The following RPL9 variants were observed in gnomAD, a reference collection of about 807,000 sequenced individuals.
The protein encoded by RPL9 is large ribosomal subunit protein uL6.
For synonymous variants in RPL9, 82 were observed against 77.1 expected (o/e 1.06, Z -0.33); for missense variants, 149 against 236.7 (o/e 0.63, Z 2.43).
At chr4:39,455,158 G>A in intron 5 of RPL9, 1 of 463,590 alleles carries the variant, frequency 2.2e-6, no homozygotes, top group South Asian at 2.8e-5. Context: ...AACCATCCTG[G>A]CTAACACTGT....
intron 5 of RPL9, chr4:39,455,423 C>G (rs1744048360): frequency 6.9e-6 from 1 of 144,220 alleles, no homozygotes; most frequent in Non-Finnish European, 1.5e-5. Context: ...CAAAATGCAT[C>G]AAGAGGCCGA....
chr4:39,456,679 C>T, intron 4 of RPL9, 141 bp from the exon 5 acceptor site: 3 of 896,196 alleles, frequency 3.3e-6, no homozygotes, highest in Non-Finnish European at 1.7e-6. Flanking sequence ...CTGAACCAAG[C>T]CTTATAAACA....
intron 1 of RPL9, 28 bp downstream of exon 1, chr4:39,458,863 A>G: frequency 1.4e-6 from 1 of 697,218 alleles, no homozygotes; most frequent in Non-Finnish European, 2.6e-6. Flanking sequence ...GATTCCCAGT[A>G]CCCCCACGAG....
intron 3 of RPL9, 25 bp downstream of exon 3, chr4:39,458,169 G>C (rs143714732): frequency 1.9e-6 from 3 of 1,610,478 alleles, no homozygotes; most frequent in Non-Finnish European, 2.5e-6. Context: ...ACGAGCAACT[G>C]AATTATCAGA....
At chr4:39,458,825 G>A in intron 1 of RPL9, 66 bp downstream of exon 1, 1 of 688,688 alleles carries the variant, frequency 1.5e-6, no homozygotes. Flanking sequence ...GAGCCGCGCC[G>A]CAGCCTTTCC....
rs888558990 is a variant in RPL9, at chr4:39,458,115, T to C, written c.162+79A>G. 46 of 1,408,998 alleles carry C rather than the reference T, an allele frequency of 3.3e-5. No homozygotes were observed. The Admixed American group carries it at 4.2e-4, about 13-fold the overall frequency. 87.3% of individuals were successfully genotyped at this position (1,408,998 alleles called of 1,614,324 possible). A position where few individuals can be genotyped will look rare whatever the true frequency, so the allele number is the denominator to read the frequency against. On this transcript the variant is annotated intron_variant, in intron 3 of 7. Coordinates refer to ENST00000295955, the MANE Select transcript of RPL9 (RefSeq NM_000661.5). ...GAAGCACTGAACCTTAATTCGAAAA[T>C]TGTTAAAGCAACCAAATGTGATGCT... is the stretch of plus-strand genomic sequence containing the variant.
At chr4:39,457,280 G>C in intron 4 of RPL9, 1 of 249,008 alleles carries the variant, frequency 4.0e-6, no homozygotes, top group Non-Finnish European at 7.8e-6. Flanking sequence ...TGCAATCCCA[G>C]TACTATGGGA....
At chr4:39,458,123 G>C in intron 3 of RPL9, 71 bp downstream of exon 3, 2 of 1,472,188 alleles carry the variant, frequency 1.4e-6, no homozygotes, top group Non-Finnish European at 9.4e-7. Context: ...AATTGTTAAA[G>C]CAACCAAATG....
chr4:39,455,153 T>A, intron 5 of RPL9: 1 of 492,360 alleles, frequency 2.0e-6, no homozygotes, highest in African/African-American at 2.0e-5. Flanking sequence ...ATCGAAACCA[T>A]CCTGGCTAAC....
In RPL9 at chr4:39,457,111, T is replaced by C. The variant is rs114885160; in HGVS notation, c.258+475A>G. ...ACAGAAAACTCAGAAACTACATCTT[T>C]TTCTATCCCAACAAGGGGTCCTGAT... On this transcript the variant is annotated intron_variant, in intron 4 of 7. Coordinates refer to ENST00000295955, the MANE Select transcript of RPL9 (RefSeq NM_000661.5). The C allele has an allele frequency of 8.0e-3, 1,265 of 158,714 alleles. 20 individuals are homozygous for C. Among genetic ancestry groups the C allele is most frequent in the African/African-American group, 0.028 (1,178 of 41,586 alleles). The allele number at this position is 158,714 out of a possible 1,614,324, so 9.8% of individuals were successfully genotyped here. A position where few individuals can be genotyped will look rare whatever the true frequency, so the allele number is the denominator to read the frequency against.
intron 3 of RPL9, chr4:39,457,899 A>G: frequency 1.6e-6 from 1 of 624,400 alleles, no homozygotes; most frequent in Non-Finnish European, 2.8e-6. Flanking sequence ...TCAGGTTTAA[A>G]TGACCTACTG....
rs1744154063 is a variant in RPL9 at position 39,457,529 on chromosome 4, GCA to G, written c.258+55_258+56del. 6 of 1,352,090 alleles carry G rather than the reference GCA, an allele frequency of 4.4e-6. No homozygotes were observed. In the South Asian group the frequency reaches 7.0e-5, roughly 16 times the overall value. The allele number at this position is 1,352,090 out of a possible 1,614,324, so 83.8% of individuals were successfully genotyped here. ...GAAAGAGACACTTACGCTGTATAAAGCACAGGTTTGAGAAACCTCCCTTTCCA... is the reference window on the plus strand; with the variant it reads ...GAAAGAGACACTTACGCTGTATAAAGCAGGTTTGAGAAACCTCCCTTTCCA... On this transcript the variant is annotated intron_variant, in intron 4 of 7. Transcript: ENST00000295955.
At chr4:39,456,910 C>A in intron 4 of RPL9, 1 of 203,954 alleles carries the variant, frequency 4.9e-6, no homozygotes, top group Non-Finnish European at 1.0e-5. Flanking sequence ...GAACTTAAGG[C>A]TAAGAGCAAG....
intron 4 of RPL9, 93 bp from the exon 5 acceptor site, chr4:39,456,631 CG>C (rs1490769440): frequency 5.1e-6 from 7 of 1,364,738 alleles, no homozygotes; most frequent in East Asian, 5.0e-5. Flanking sequence ...TATTTTAAAA[CG>C]TAACACTCAC....
intron 4 of RPL9, 74 bp downstream of exon 4, chr4:39,457,512 C>T (rs897424838): frequency 8.1e-7 from 1 of 1,236,008 alleles, no homozygotes. Flanking sequence ...CTGAAAGAGA[C>T]ACTTACGCTG....
rs1403530376 is a variant in RPL9, at chr4:39,457,688, C to G, written c.163-7G>C. The stretch of plus-strand genomic sequence containing the variant: ...ACCATTTGTCAACCCGGAGCTGTAA[C>G]AGAACAAAAAATGTATTCTTTCCAG... On this transcript the variant is annotated splice_polypyrimidine_tract_variant and splice_region_variant and intron_variant, in intron 3 of 7. Transcript: ENST00000295955. 1.2e-6 allele frequency: 2 copies of G among 1,612,098 alleles called. No homozygotes were observed. Among genetic ancestry groups the G allele is most frequent in the South Asian group, 2.2e-5 (2 of 91,032 alleles).
At chr4:39,456,124 A>G (rs2109855428) in intron 5 of RPL9, 1 of 424,930 alleles carries the variant, frequency 2.4e-6, no homozygotes, top group South Asian at 2.1e-5. Flanking sequence ...TTGTAAATTT[A>G]AAGTCTTTTT....
intron 4 of RPL9, 56 bp downstream of exon 4, chr4:39,457,530 C>T (rs1744153826): frequency 4.4e-6 from 6 of 1,366,712 alleles, no homozygotes; most frequent in Non-Finnish European, 6.3e-6. Context: ...CTGTATAAAG[C>T]ACAGGTTTGA....
Position 39,454,158 on chromosome 4 carries a change from T to C in RPL9, c.*78A>G, listed in dbSNP as rs1802628. 1 of 159,940 alleles carries C rather than the reference T, an allele frequency of 6.3e-6. No individual in the cohort carries two copies. The highest frequency in any genetic ancestry group is 2.4e-5 in the African/African-American group (1 of 41,578). 9.9% of individuals were successfully genotyped at this position (159,940 alleles called of 1,614,324 possible). A position where few individuals can be genotyped will look rare whatever the true frequency, so the allele number is the denominator to read the frequency against. On this transcript the variant is annotated 3_prime_UTR_variant, in exon 8 of 8. Transcript: ENST00000295955. ...AAGGTCCAAATCAATAGGTCTTTTATTGCATCATTTAAATATCACAAGTAG... is the reference window on the plus strand; with the variant it reads ...AAGGTCCAAATCAATAGGTCTTTTACTGCATCATTTAAATATCACAAGTAG...
Sources: allele counts gnomAD v4.1 joint callset, GRCh38; gene constraint gnomAD v4.1.1; transcripts MANE v1.5; gene names NCBI Gene and HGNC (gene_info 2026-07-23, HGNC 2026-07-21).